ZNF536: variants seen among roughly 807,000 people sequenced by gnomAD.
ZNF536 encodes the protein zinc finger protein 536.
Under a neutral mutation model 84.5 loss-of-function variants are expected in ZNF536, and 13 were observed. That is an observed-to-expected ratio of 0.15 (90% confidence interval 0.10 to 0.24). The LOEUF (loss-of-function observed/expected upper bound fraction) is 0.24, where lower values mean the gene tolerates loss of function less well. Ranked by LOEUF, ZNF536 falls within the 10% of genes least tolerant of loss-of-function variation. The pLI, the probability that ZNF536 is intolerant of heterozygous loss-of-function variation, is 1.00. For missense variants in ZNF536, 1,536 were observed against 1,747.5 expected (o/e 0.88, Z 2.16); for synonymous variants, 811 against 742.5 (o/e 1.09, Z -1.50).
At chr19:30,592,133 A>G (rs2047295802) in intron 1 of ZNF536, among the ~76,000 whole-genome samples, 1 of 152,194 alleles carries the variant, frequency 6.6e-6, no homozygotes, top group Non-Finnish European at 1.5e-5. Flanking sequence ...TCATAATCAG[A>G]ATACAGATGT....
At chr19:30,623,030 TTG>T (rs1491413585) in intron 1 of ZNF536, among the ~76,000 whole-genome samples, 2 of 139,350 alleles carry the variant, frequency 1.4e-5, no homozygotes, top group South Asian at 2.3e-4. Flanking sequence ...GTTTTTTTTT[TTG>T]TTTTTTTGTT....
At chr19:30,401,896 A>G (rs1468262743) in intron 1 of ZNF536, among the ~76,000 whole-genome samples, 1 of 152,258 alleles carries the variant, frequency 6.6e-6, no homozygotes, top group Non-Finnish European at 1.5e-5. Context: ...TGTACTTAAG[A>G]GAATCTTTCC....
At chr19:30,705,838 C>G (rs1009221584) in intron 1 of ZNF536, among the ~76,000 whole-genome samples, 2 of 152,090 alleles carry the variant, frequency 1.3e-5, no homozygotes, top group Non-Finnish European at 2.9e-5. Flanking sequence ...AAAATGAAAC[C>G]AATTCAATAC....
Position 30,467,396 on chromosome 19 carries a change from G to T in ZNF536, c.2170+21664G>T, listed in dbSNP as rs375348121. Reference sequence around the variant, plus strand: ...TGTCCTTCCATGTCTGGCTTATTTTGCTTAGCATGGCCTCCTCAAGATTCA... The same window carrying T: ...TGTCCTTCCATGTCTGGCTTATTTTTCTTAGCATGGCCTCCTCAAGATTCA... On this transcript the variant is annotated intron_variant, in intron 2 of 4. Coordinates refer to ENST00000355537, the MANE Select transcript of ZNF536 (RefSeq NM_014717.3). Among the ~76,000 whole-genome samples, 5 of 152,252 alleles carry T rather than the reference G, an allele frequency of 3.3e-5. 1 individual carries two copies. Among genetic ancestry groups the T allele is most frequent in the African/African-American group, 1.2e-4 (5 of 41,550 alleles).
chr19:30,359,823 A>T (rs1055316135), intron 3 of ZNF536, among the ~76,000 whole-genome samples: 1 of 152,058 alleles, frequency 6.6e-6, no homozygotes, highest in Non-Finnish European at 1.5e-5. Flanking sequence ...CTGATCCTTC[A>T]CCATGCTGAC....
intron 1 of ZNF536, among the ~76,000 whole-genome samples, chr19:30,661,938 G>C (rs994866649): frequency 1.1e-4 from 16 of 152,150 alleles, no homozygotes; most frequent in Admixed American, 1.3e-4. Flanking sequence ...GATGGTGGGA[G>C]ATCATTCTTT....
chr19:30,226,590 G>A (rs2022626318), upstream of ZNF536, among the ~76,000 whole-genome samples: 1 of 152,068 alleles, frequency 6.6e-6, no homozygotes, highest in African/African-American at 2.4e-5. The surrounding 1 kb of genome is among the most constrained non-coding windows in gnomAD (Gnocchi z 4.6). Context: ...AGGAAAGGCC[G>A]TGGCGCCTGC....
At position 30,694,798 on chromosome 19, in the gene ZNF536, C is replaced by A. The variant is rs11881406; in HGVS notation, c.170-15959C>A. ...GGAATCTATGGTGCAGCCACTTGGC[C>A]CCCATGGGGGAGGCCTGTGGGCTTT... is the stretch of plus-strand genomic sequence containing the variant. On this transcript the variant is annotated intron_variant, in intron 1 of 1. Transcript: ENST00000592773. Among the ~76,000 whole-genome samples, 730 of 152,196 alleles carry A rather than the reference C, an allele frequency of 4.8e-3. 10 individuals are homozygous for A. Among genetic ancestry groups the A allele is most frequent in the African/African-American group, 0.017 (696 of 41,520 alleles).
chr19:30,565,243 T>C (rs942819304), intron 1 of ZNF536, among the ~76,000 whole-genome samples: 2 of 151,888 alleles, frequency 1.3e-5, no homozygotes, highest in Non-Finnish European at 2.9e-5. Context: ...AAATCTGGGC[T>C]TGTGACTGCC....
chr19:30,472,193 G>C (rs1305271275), intron 2 of ZNF536, among the ~76,000 whole-genome samples: 1 of 152,214 alleles, frequency 6.6e-6, no homozygotes, highest in Non-Finnish European at 1.5e-5. Flanking sequence ...TTTAGAGAAG[G>C]AGAGAGTATT....
intron 1 of ZNF536, among the ~76,000 whole-genome samples, chr19:30,650,135 T>C (rs186665976): frequency 6.6e-6 from 1 of 152,222 alleles, no homozygotes; most frequent in Admixed American, 6.5e-5. Context: ...AATTATCTCA[T>C]AGCAAATTAA....
chr19:30,535,149 A>C, intron 3 of ZNF536, 150 bp downstream of exon 3: 1 of 842,972 alleles, frequency 1.2e-6, no homozygotes, highest in Non-Finnish European at 1.7e-6. Context: ...TATGGCTCAG[A>C]AGCGGCCCTC....
intron 3 of ZNF536, among the ~76,000 whole-genome samples, chr19:30,355,844 C>T (rs2048077658): frequency 6.6e-6 from 1 of 152,084 alleles, no homozygotes; most frequent in Non-Finnish European, 1.5e-5. Context: ...GAATCTAATG[C>T]CTGATGATCT....
chr19:30,539,260 C>G (rs577508555), intron 3 of ZNF536, among the ~76,000 whole-genome samples: 1 of 152,208 alleles, frequency 6.6e-6, no homozygotes, highest in South Asian at 2.1e-4. Flanking sequence ...AATTCCAGTT[C>G]AAGTCTGAGC....
At chr19:30,685,394 GGT>G (rs372492793) in intron 1 of ZNF536, among the ~76,000 whole-genome samples, 2 of 151,886 alleles carry the variant, frequency 1.3e-5, no homozygotes, top group African/African-American at 4.8e-5. Flanking sequence ...GTAGGTGTGG[GGT>G]GTGTGTGTGT....
chr19:30,394,698 C>G (rs1271869943), intron 1 of ZNF536, among the ~76,000 whole-genome samples: 5 of 152,164 alleles, frequency 3.3e-5, no homozygotes, highest in Non-Finnish European at 1.5e-5. Context: ...TGAGCAGTTG[C>G]TTTTCTACTC....
At chr19:30,410,711 C>T (rs1222444303) in intron 1 of ZNF536, among the ~76,000 whole-genome samples, 1 of 151,960 alleles carries the variant, frequency 6.6e-6, no homozygotes, top group Non-Finnish European at 1.5e-5. Context: ...ATCTCCTGAC[C>T]TCGTGATCCG....
chr19:30,285,623 C>T (rs549416616), intron 2 of ZNF536, among the ~76,000 whole-genome samples: 2 of 152,272 alleles, frequency 1.3e-5, no homozygotes, highest in African/African-American at 4.8e-5. Flanking sequence ...AAACCGCTTC[C>T]CCAGAAATGC....
At chr19:30,488,873 T>C (rs2903446) in intron 2 of ZNF536, among the ~76,000 whole-genome samples, 2,228 of 152,322 alleles carry the variant, frequency 0.015, 43 homozygotes, top group African/African-American at 0.051. Flanking sequence ...TTTTATAGTA[T>C]TCTTAAATTC....
Sources: gnomAD v4.1 joint callset for allele counts (sites outside exome capture counted in the v4.1 genomes callset) on GRCh38, gnomAD v4.1.1 for gene constraint, Gnocchi (gnomAD v3.1) non-coding constraint, MANE v1.5 for transcripts, NCBI Gene and HGNC (gene_info 2026-07-23, HGNC 2026-07-21) for gene names.